Variants in TRIQK observed in about 807,000 individuals in gnomAD.
TRIQK encodes triple QxxK/R motif containing, also known as triple QxxK/R motif-containing protein.
Under a neutral mutation model 10.8 loss-of-function variants are expected in TRIQK, and 10 were observed. That is an observed-to-expected ratio of 0.92 (90% CI 0.57 to 1.57). The LOEUF (loss-of-function observed/expected upper bound fraction) is 1.57, where lower values mean the gene tolerates loss of function less well. TRIQK is among the 40% of genes most tolerant of loss of function. The pLI is 0.00. For synonymous variants in TRIQK, 33 were observed against 33.7 expected, an observed-to-expected ratio of 0.98 and a Z score of 0.07; for missense variants, 107 against 97.7, an observed-to-expected ratio of 1.09 and a Z score of -0.40.
chr8:92,947,246 T>TTATATA (rs111754734), intron 2 of TRIQK, among the ~76,000 whole-genome samples: 2 of 149,332 alleles, frequency 1.3e-5, no homozygotes, highest in East Asian at 2.0e-4. Context: ...TCAACAGTGT[T>TTATATA]TATATATATA....
chr8:92,939,694 C>T (rs1211255584), intron 2 of TRIQK, among the ~76,000 whole-genome samples: 1 of 152,122 alleles, frequency 6.6e-6, no homozygotes, highest in East Asian at 1.9e-4. Flanking sequence ...CACCCTACAA[C>T]CCTACTCAGG....
intron 4 of TRIQK, among the ~76,000 whole-genome samples, chr8:92,888,230 A>G (rs1816584791): frequency 6.6e-6 from 1 of 151,694 alleles, no homozygotes; most frequent in Non-Finnish European, 1.5e-5. Flanking sequence ...TAATGCAAGA[A>G]TTAAGTTTGT....
chr8:92,988,047 C>T (rs1191819827), intron 1 of TRIQK, among the ~76,000 whole-genome samples: 1 of 146,252 alleles, frequency 6.8e-6, no homozygotes, highest in Non-Finnish European at 1.5e-5. Flanking sequence ...TGCTCTGTCG[C>T]CCAGGCTGGA....
chr8:92,964,167 T>C (rs954968415), intron 1 of TRIQK, among the ~76,000 whole-genome samples: 21 of 152,030 alleles, frequency 1.4e-4, no homozygotes, highest in Non-Finnish European at 2.5e-4. Context: ...AGGTATGTTA[T>C]GGTAAGAGGC....
At chr8:92,923,337 G>C (rs926438436) in intron 2 of TRIQK, among the ~76,000 whole-genome samples, 1 of 151,442 alleles carries the variant, frequency 6.6e-6, no homozygotes, top group African/African-American at 2.4e-5. Context: ...AATTTAAAAT[G>C]TGTTGTGATA....
chr8:92,923,096 G>T (rs1009500169), intron 2 of TRIQK, among the ~76,000 whole-genome samples: 4 of 151,672 alleles, frequency 2.6e-5, no homozygotes, highest in African/African-American at 7.3e-5. Context: ...TATTTTAAAT[G>T]ACCTAAAGAG....
At chr8:92,907,780 T>A (rs1809353841) in intron 3 of TRIQK, among the ~76,000 whole-genome samples, 1 of 152,086 alleles carries the variant, frequency 6.6e-6, no homozygotes, top group Non-Finnish European at 1.5e-5. Context: ...ATAAAACAGG[T>A]TTAACTCTGG....
upstream of TRIQK, among the ~76,000 whole-genome samples, chr8:92,970,146 G>A (rs1269780597): frequency 6.6e-6 from 1 of 152,172 alleles, no homozygotes; most frequent in African/African-American, 2.4e-5. Context: ...TGGCTGCATA[G>A]TATTCCATGG....
At chr8:93,003,309 GGAGA>G (rs71565204) in intron 1 of TRIQK, among the ~76,000 whole-genome samples, 4,211 of 135,636 alleles carry the variant, frequency 0.031, 95 homozygotes, top group African/African-American at 0.067. Context: ...CCCGCTTACA[GGAGA>G]GAGAGAGAGA....
intron 1 of TRIQK, among the ~76,000 whole-genome samples, chr8:92,963,284 T>C (rs2130719292): frequency 6.6e-6 from 1 of 152,328 alleles, no homozygotes; most frequent in Non-Finnish European, 1.5e-5. Flanking sequence ...CAACTTTTTA[T>C]ATCTACTACT....
At chr8:92,959,787 A>C (rs1459400466) in intron 1 of TRIQK, among the ~76,000 whole-genome samples, 10 of 152,096 alleles carry the variant, frequency 6.6e-5, no homozygotes, top group Non-Finnish European at 1.5e-5. Context: ...ACCCATCATG[A>C]AGTTGAAAAA....
intron 2 of TRIQK, among the ~76,000 whole-genome samples, chr8:92,919,195 G>A (rs1810039665): frequency 6.6e-6 from 1 of 151,782 alleles, no homozygotes; most frequent in Non-Finnish European, 1.5e-5. Flanking sequence ...AACTGCTTCA[G>A]CTATTGGGGA....
chr8:92,936,668 G>A (rs1460488320), intron 2 of TRIQK, among the ~76,000 whole-genome samples: 1 of 151,606 alleles, frequency 6.6e-6, no homozygotes, highest in African/African-American at 2.4e-5. Flanking sequence ...GACAAAAGGG[G>A]AAAGAGCATA....
At chr8:92,958,094 T>A (rs112334843) in intron 1 of TRIQK, among the ~76,000 whole-genome samples, 1 of 151,974 alleles carries the variant, frequency 6.6e-6, no homozygotes, top group South Asian at 2.1e-4. Context: ...TAGTTTTGCA[T>A]GTCATATAAG....
intron 1 of TRIQK, among the ~76,000 whole-genome samples, chr8:92,976,785 T>C (rs1812935106): frequency 6.6e-6 from 1 of 152,026 alleles, no homozygotes; most frequent in Non-Finnish European, 1.5e-5. Context: ...GCTGACTTCA[T>C]AGCTGTAACT....
chr8:92,966,611 G>T (rs1021700383), upstream of TRIQK, among the ~76,000 whole-genome samples: 1 of 152,066 alleles, frequency 6.6e-6, no homozygotes, highest in Non-Finnish European at 1.5e-5. Context: ...CTATGTTCGG[G>T]TACTCAATTT....
chr8:92,977,245 G>A (rs1218867394), intron 1 of TRIQK, among the ~76,000 whole-genome samples: 1 of 151,878 alleles, frequency 6.6e-6, no homozygotes, highest in African/African-American at 2.4e-5. Flanking sequence ...TGATATTTTT[G>A]CTGGGTATAT....
At chr8:92,948,610 T>G (rs1368582922) in intron 2 of TRIQK, among the ~76,000 whole-genome samples, 1 of 152,170 alleles carries the variant, frequency 6.6e-6, no homozygotes, top group Non-Finnish European at 1.5e-5. Context: ...TTAAATTTAG[T>G]CCACTGTTTA....
chr8:92,991,643 G>C (rs1813097250), intron 1 of TRIQK, among the ~76,000 whole-genome samples: 1 of 152,154 alleles, frequency 6.6e-6, no homozygotes, highest in Admixed American at 6.5e-5. Context: ...AGTATTGGAA[G>C]TTCCGGCCCG....
Sources: gnomAD v4.1 joint callset for allele counts (sites outside exome capture counted in the v4.1 genomes callset) on GRCh38, gnomAD v4.1.1 for gene constraint, MANE v1.5 for transcripts, NCBI Gene and HGNC (gene_info 2026-07-23, HGNC 2026-07-21) for gene names.